MPP7: variants seen among roughly 807,000 people sequenced by gnomAD.
MPP7 encodes MAGUK p55 scaffold protein 7, also known as MAGUK p55 subfamily member 7.
In MPP7, 60 loss-of-function variants were observed where a neutral mutation model predicts 76.5. That is an observed-to-expected ratio of 0.78 (90% CI 0.64 to 0.97). The LOEUF is 0.97. MPP7 is among the 50% of genes least tolerant of loss of function. The pLI is 0.00. For synonymous variants in MPP7, 237 were observed against 244.5 expected, an observed-to-expected ratio of 0.97 and a Z score of 0.29; for missense variants, 641 against 694.0, an observed-to-expected ratio of 0.92 and a Z score of 0.86.
chr10:28,291,022 C>T (rs1840906095), intron 1 of MPP7, among the ~76,000 whole-genome samples: 1 of 152,112 alleles, frequency 6.6e-6, no homozygotes, highest in Admixed American at 6.5e-5. Context: ...CTTTTGCCAC[C>T]ATATATTAAC....
chr10:28,169,360 C>A (rs1836600315), intron 3 of MPP7, among the ~76,000 whole-genome samples: 1 of 151,962 alleles, frequency 6.6e-6, no homozygotes, highest in Non-Finnish European at 1.5e-5. Context: ...GAAAGGTCCC[C>A]AGCTAATTAA....
At chr10:28,073,487 G>A (rs1411457281) in intron 12 of MPP7, among the ~76,000 whole-genome samples, 1 of 152,050 alleles carries the variant, frequency 6.6e-6, no homozygotes, top group Non-Finnish European at 1.5e-5. Context: ...TCTTTACATG[G>A]AGCTGAGGGG....
At chr10:28,124,514 C>T (rs1368958877) in intron 7 of MPP7, among the ~76,000 whole-genome samples, 1 of 108,772 alleles carries the variant, frequency 9.2e-6, no homozygotes, top group African/African-American at 3.6e-5. Flanking sequence ...CTCGCTCTGT[C>T]ACCCAGGCTG....
At chr10:28,195,275 C>T (rs1420882130) in intron 3 of MPP7, among the ~76,000 whole-genome samples, 11 of 152,128 alleles carry the variant, frequency 7.2e-5, no homozygotes. Context: ...CAAATCAGAA[C>T]CCTTATACAC....
At chr10:28,123,668 C>T (rs1052679920) in intron 8 of MPP7, among the ~76,000 whole-genome samples, 1 of 151,826 alleles carries the variant, frequency 6.6e-6, no homozygotes, top group South Asian at 2.1e-4. Flanking sequence ...AGACGGGTTT[C>T]ACCATGTTGG....
chr10:28,142,125 T>C (rs1588840264), intron 5 of MPP7, among the ~76,000 whole-genome samples: 1 of 152,130 alleles, frequency 6.6e-6, no homozygotes, highest in East Asian at 1.9e-4. Flanking sequence ...ATACAAGTCC[T>C]TTCCAAGCTA....
chr10:28,182,683 A>G (rs761196707), intron 3 of MPP7, among the ~76,000 whole-genome samples: 58 of 152,244 alleles, frequency 3.8e-4, no homozygotes, highest in Non-Finnish European at 6.8e-4. Context: ...ATGATTTGTT[A>G]TCTAGTCACA....
chr10:28,069,751 A>G (rs1852145849), intron 13 of MPP7, 21 bp downstream of exon 13: 1 of 1,585,846 alleles, frequency 6.3e-7, no homozygotes, highest in African/African-American at 1.3e-5. Context: ...TCATAGGAAC[A>G]CTGAGTAGCG....
At chr10:28,236,952 T>C (rs1470267953) in intron 2 of MPP7, 2 of 152,176 alleles carry the variant, frequency 1.3e-5, no homozygotes, top group Admixed American at 1.3e-4. Context: ...TGTGGGGACA[T>C]AAGGTCAGAA....
At chr10:28,135,432 G>A (rs1835324190) in intron 5 of MPP7, among the ~76,000 whole-genome samples, 1 of 152,070 alleles carries the variant, frequency 6.6e-6, no homozygotes, top group Non-Finnish European at 1.5e-5. Context: ...GCAATATCTG[G>A]AGACAATTTT....
At chr10:28,074,383 C>T (rs145522850) in intron 12 of MPP7, among the ~76,000 whole-genome samples, 6,255 of 152,084 alleles carry the variant, frequency 0.041, 450 homozygotes, top group African/African-American at 0.14. Flanking sequence ...CTGCAACCTC[C>T]GCTTCCTGGG....
Position 28,120,266 on chromosome 10 carries a change from C to T in MPP7, c.815G>A (p.Trp272Ter), listed in dbSNP as rs966630626. Residue 272 changes from tryptophan (W) to a stop codon, truncating the protein, a stop_gained, in exon 10 of 17, where the codon TGG becomes TAG. Coordinates refer to ENST00000683449, the MANE Select transcript of MPP7 (RefSeq NM_001318170.2). LOFTEE classifies it high-confidence loss of function. ...ATCAGCTTCGTGTTTCGCTTGCCAC[C>T]AAGTTGCATCATCTTGGCTCATAAT... is the stretch of plus-strand genomic sequence containing the variant. ...LQIMSQDDAT[W>*]WQAKHEADAN... 1 of 1,613,932 alleles carries T rather than the reference C, an allele frequency of 6.2e-7. No homozygotes were observed. The highest frequency in any genetic ancestry group is 8.5e-7 in the Non-Finnish European group (1 of 1,179,974).
intron 1 of MPP7, among the ~76,000 whole-genome samples, chr10:28,259,564 G>A (rs1473973438): frequency 6.7e-6 from 1 of 150,210 alleles, no homozygotes; most frequent in Non-Finnish European, 1.5e-5. Flanking sequence ...TCCAGCCTGG[G>A]TGACAGAGAG....
intron 11 of MPP7, among the ~76,000 whole-genome samples, chr10:28,110,434 G>C (rs2133562418): frequency 6.6e-6 from 1 of 152,210 alleles, no homozygotes; most frequent in African/African-American, 2.4e-5. Context: ...ATCCCCCAAA[G>C]TACATTTACT....
intron 11 of MPP7, among the ~76,000 whole-genome samples, chr10:28,098,339 A>G (rs1588764497): frequency 6.6e-6 from 1 of 152,080 alleles, no homozygotes; most frequent in Middle Eastern, 3.4e-3. Context: ...GGATACAATC[A>G]TCATACTTAC....
chr10:28,191,207 G>A (rs963344911), intron 3 of MPP7, among the ~76,000 whole-genome samples: 24 of 151,988 alleles, frequency 1.6e-4, no homozygotes, highest in African/African-American at 5.8e-4. Flanking sequence ...AACACTTAAG[G>A]GAGAAATTAT....
At chr10:28,074,313 T>C (rs982201927) in intron 12 of MPP7, among the ~76,000 whole-genome samples, 1 of 151,976 alleles carries the variant, frequency 6.6e-6, no homozygotes, top group Non-Finnish European at 1.5e-5. Context: ...CTTATTTTTA[T>C]TTTTGAGACA....
chr10:28,303,174 T>G (rs1841210222), upstream of MPP7: 1 of 138,604 alleles, frequency 7.2e-6, no homozygotes, highest in Non-Finnish European at 1.5e-5. Flanking sequence ...GATAGGCGTC[T>G]CAGACTTGAA....
chr10:28,294,165 G>A (rs565309251), intron 1 of MPP7, among the ~76,000 whole-genome samples: 4 of 152,234 alleles, frequency 2.6e-5, no homozygotes, highest in East Asian at 1.9e-4. Flanking sequence ...AAAATTAGCC[G>A]GGTGCCTGTA....
Sources: allele counts gnomAD v4.1 joint callset (sites outside exome capture counted in the v4.1 genomes callset), GRCh38; gene constraint gnomAD v4.1.1; transcripts MANE v1.5; gene names NCBI Gene and HGNC (gene_info 2026-07-23, HGNC 2026-07-21).